Variants in FHIT observed in about 807,000 individuals in gnomAD.
FHIT encodes the protein fragile histidine triad diadenosine triphosphatase.
In FHIT, 19 loss-of-function variants were observed where a neutral mutation model predicts 17.9. The ratio of observed to expected loss-of-function variants is 1.06; its 90% confidence interval spans 0.74 to 1.56. FHIT has a LOEUF of 1.56. Ranked by LOEUF, FHIT falls within the 40% of genes most tolerant of loss-of-function variation. The pLI is 0.00. For synonymous variants in FHIT, 81 were observed against 69.7 expected (o/e 1.16, Z -0.81); for missense variants, 248 against 189.2 (o/e 1.31, Z -1.82).
At chr3:61,038,932 A>G (rs2033378233) in intron 3 of FHIT, among the ~76,000 whole-genome samples, 1 of 152,148 alleles carries the variant, frequency 6.6e-6, no homozygotes, top group Admixed American at 6.5e-5. Context: ...TTCATAAGCC[A>G]TGGGCTCTGA....
chr3:61,098,832 A>T (rs2035725056), intron 2 of FHIT, among the ~76,000 whole-genome samples: 1 of 152,238 alleles, frequency 6.6e-6, no homozygotes, highest in Non-Finnish European at 1.5e-5. Flanking sequence ...GTTGTTTATA[A>T]GCTTAAGAAG....
At chr3:59,753,724 C>CAATA (rs1701047729) in intron 8 of FHIT, among the ~76,000 whole-genome samples, 1 of 152,120 alleles carries the variant, frequency 6.6e-6, no homozygotes, top group Non-Finnish European at 1.5e-5. Context: ...TTAATCCTTA[C>CAATA]AATAACTCAT....
intron 5 of FHIT, among the ~76,000 whole-genome samples, chr3:60,244,531 G>A (rs1392731362): frequency 2.0e-5 from 3 of 152,032 alleles, no homozygotes; most frequent in Non-Finnish European, 2.9e-5. Flanking sequence ...ACAGTAAATA[G>A]CTTTTTTACT....
At chr3:59,758,190 GA>G (rs1701315930) in intron 8 of FHIT, among the ~76,000 whole-genome samples, 1 of 152,148 alleles carries the variant, frequency 6.6e-6, no homozygotes, top group African/African-American at 2.4e-5. Context: ...AGATTTTGAA[GA>G]AAGGGTAATT....
chr3:60,090,076 T>TG (rs933362851), intron 5 of FHIT, among the ~76,000 whole-genome samples: 97 of 152,278 alleles, frequency 6.4e-4, no homozygotes, highest in African/African-American at 2.3e-3. Flanking sequence ...TGTTCCTTCT[T>TG]GATCTGGAGC....
intron 7 of FHIT, among the ~76,000 whole-genome samples, chr3:59,926,295 T>C (rs927423323): frequency 2.0e-5 from 3 of 152,210 alleles, no homozygotes; most frequent in East Asian, 1.9e-4. Flanking sequence ...TCTGTACACT[T>C]TTCTAAAGTA....
intron 5 of FHIT, among the ~76,000 whole-genome samples, chr3:60,376,915 G>C (rs1045231069): frequency 2.0e-5 from 3 of 152,122 alleles, no homozygotes; most frequent in African/African-American, 4.8e-5. Flanking sequence ...AGAGAACACT[G>C]GTTATAATTC....
At chr3:60,603,890 T>C (rs1277310303) in intron 4 of FHIT, among the ~76,000 whole-genome samples, 1 of 152,144 alleles carries the variant, frequency 6.6e-6, no homozygotes, top group African/African-American at 2.4e-5. Context: ...TCCTGAGCAT[T>C]TGCTATGTGC....
chr3:60,102,121 T>C (rs1704217096), intron 5 of FHIT, among the ~76,000 whole-genome samples: 1 of 152,214 alleles, frequency 6.6e-6, no homozygotes, highest in Admixed American at 6.5e-5. Context: ...TACCTTTATC[T>C]TCAATACAAT....
At chr3:59,973,203 G>T (rs1026939799) in intron 7 of FHIT, among the ~76,000 whole-genome samples, 1 of 151,994 alleles carries the variant, frequency 6.6e-6, no homozygotes, top group Non-Finnish European at 1.5e-5. Context: ...CCTCTAATCT[G>T]TCTTCCATCC....
At position 60,166,354 on chromosome 3, in the gene FHIT, A is replaced by G. The variant is rs186190091; in HGVS notation, c.104-152202T>C. Reference sequence around the variant, plus strand: ...CCTATGTACAAATTGAAGACATTATATAAACACTACAAGAACTGAATGCAT... The same window carrying G: ...CCTATGTACAAATTGAAGACATTATGTAAACACTACAAGAACTGAATGCAT... On this transcript the variant is annotated intron_variant, in intron 5 of 9. Coordinates refer to ENST00000492590, the MANE Select transcript of FHIT (RefSeq NM_002012.4). Among the ~76,000 whole-genome samples, 7 of 152,314 alleles carry G rather than the reference A, an allele frequency of 4.6e-5. No homozygotes were observed. In the East Asian group the frequency reaches 1.3e-3, roughly 29 times the overall value.
chr3:60,119,544 A>C (rs2107214347), intron 5 of FHIT, among the ~76,000 whole-genome samples: 1 of 152,276 alleles, frequency 6.6e-6, no homozygotes, highest in African/African-American at 2.4e-5. Context: ...TGGGAGGGGT[A>C]TTGCATATTT....
chr3:59,785,639 C>A (rs1169603319), intron 8 of FHIT, among the ~76,000 whole-genome samples: 1 of 152,078 alleles, frequency 6.6e-6, no homozygotes, highest in East Asian at 1.9e-4. Flanking sequence ...TTTTTCAGTG[C>A]ATGTATTCAG....
chr3:60,804,695 A>C (rs1701321929), intron 4 of FHIT, among the ~76,000 whole-genome samples: 2 of 152,202 alleles, frequency 1.3e-5, no homozygotes, highest in Admixed American at 6.5e-5. Flanking sequence ...TTTTAGTCAA[A>C]GTTCTTGCTT....
At chr3:60,124,510 T>C (rs1392916489) in intron 5 of FHIT, among the ~76,000 whole-genome samples, 2 of 152,184 alleles carry the variant, frequency 1.3e-5, no homozygotes, top group Admixed American at 6.5e-5. Flanking sequence ...AGCTCCATTA[T>C]CCTGCATCCT....
intron 4 of FHIT, 68 bp from the exon 5 acceptor site, chr3:60,537,047 G>A: frequency 1.5e-6 from 2 of 1,322,004 alleles, no homozygotes; most frequent in South Asian, 1.6e-5. Flanking sequence ...CCACCTTAAA[G>A]AAAGCAAATT....
chr3:60,701,336 C>A (rs372185523), intron 4 of FHIT, among the ~76,000 whole-genome samples: 1 of 151,934 alleles, frequency 6.6e-6, no homozygotes, highest in African/African-American at 2.4e-5. Context: ...TTTCTCAAGA[C>A]GAGGGAACTG....
chr3:60,274,521 A>T (rs1052072577), intron 5 of FHIT, among the ~76,000 whole-genome samples: 1 of 152,206 alleles, frequency 6.6e-6, no homozygotes, highest in Non-Finnish European at 1.5e-5. Flanking sequence ...TTCTTTGCAC[A>T]TTTGAGAATA....
At chr3:60,249,988 A>C (rs1705612284) in intron 5 of FHIT, among the ~76,000 whole-genome samples, 1 of 152,182 alleles carries the variant, frequency 6.6e-6, no homozygotes. Flanking sequence ...CCACAAGAAC[A>C]GTATGGGGAA....
Sources: gnomAD v4.1 joint callset for allele counts (sites outside exome capture counted in the v4.1 genomes callset) on GRCh38, gnomAD v4.1.1 for gene constraint, MANE v1.5 for transcripts, NCBI Gene and HGNC (gene_info 2026-07-23, HGNC 2026-07-21) for gene names.